RYR3: variants seen among roughly 807,000 people sequenced by gnomAD.
RYR3 encodes the protein brain ryanodine receptor-calcium release channel.
In RYR3, 207 loss-of-function variants were observed where a neutral mutation model predicts 584.3. The observed-to-expected ratio is 0.35, with a 90% CI of 0.32 to 0.40. The LOEUF is 0.40. Among genes scored for constraint, RYR3 ranks in the 10% least tolerant of loss-of-function variants. The probability of loss-of-function intolerance (pLI) is 1.00; values close to 1 mark genes in which losing one functional copy is unlikely to be tolerated. For synonymous variants in RYR3, 2,416 were observed against 2,248.5 expected, an observed-to-expected ratio of 1.07 and a Z score of -2.11; for missense variants, 5,616 against 6,089.2, an observed-to-expected ratio of 0.92 and a Z score of 2.59.
intron 1 of RYR3, among the ~76,000 whole-genome samples, chr15:33,441,140 G>A (rs2046197401): frequency 6.6e-6 from 1 of 152,170 alleles, no homozygotes; most frequent in African/African-American, 2.4e-5. Flanking sequence ...ATCATTCTAG[G>A]CAGGCTGAAA....
chr15:33,570,001 T>C (rs4780127), intron 12 of RYR3, among the ~76,000 whole-genome samples: 99,653 of 151,898 alleles, frequency 0.66, 33,670 homozygotes, highest in Middle Eastern at 0.76. Flanking sequence ...ATATTTATGA[T>C]TTGCAAATAT....
At chr15:33,521,171 C>A (rs1224158745) in intron 3 of RYR3, among the ~76,000 whole-genome samples, 1 of 151,990 alleles carries the variant, frequency 6.6e-6, no homozygotes, top group Non-Finnish European at 1.5e-5. Flanking sequence ...CAGTCTCCAA[C>A]CCATCTGAGC....
rs2078613462 is a variant in RYR3, at chr15:33,844,845, T to G, written c.13297-17T>G. 1 of 1,609,432 alleles carries G rather than the reference T, an allele frequency of 6.2e-7. No homozygotes were observed. On this transcript the variant is annotated splice_polypyrimidine_tract_variant and intron_variant, in intron 92 of 103. Transcript: ENST00000634891. The stretch of plus-strand genomic sequence containing the variant: ...TTCTTTTTGATGTTTAATAAGCGAG[T>G]GTGTATTTTGAGCCAGGTCACTGAA...
At chr15:33,731,362 C>A (rs911886020) in intron 47 of RYR3, 112 bp from the exon 48 acceptor site, 3 of 696,800 alleles carry the variant, frequency 4.3e-6, no homozygotes, top group Non-Finnish European at 5.1e-6. Flanking sequence ...CCTTGCTATG[C>A]AACGTGGACA....
At chr15:33,608,031 C>A (rs2059992790) in intron 18 of RYR3, among the ~76,000 whole-genome samples, 2 of 152,298 alleles carry the variant, frequency 1.3e-5, no homozygotes, top group Middle Eastern at 6.8e-3. Context: ...CAGTCTGGTT[C>A]CAGAAACCCC....
intron 43 of RYR3, among the ~76,000 whole-genome samples, chr15:33,710,812 C>G (rs147833019): frequency 6.9e-4 from 105 of 152,344 alleles, no homozygotes; most frequent in Non-Finnish European, 1.2e-3. Context: ...CAAGTTTTAG[C>G]TGGGCCCATT....
chr15:33,500,636 T>C (rs2051893448), intron 2 of RYR3, among the ~76,000 whole-genome samples: 1 of 152,158 alleles, frequency 6.6e-6, no homozygotes, highest in Non-Finnish European at 1.5e-5. Flanking sequence ...AACAGAGCCC[T>C]TCTCTCCATG....
rs575120914 is a variant in RYR3 at position 33,634,641 on chromosome 15, G to A, written c.3083G>A (p.Arg1028His). The A allele has an allele frequency of 8.0e-5, 129 of 1,613,820 alleles. No individual in the cohort carries two copies. Among genetic ancestry groups the A allele is most frequent in the South Asian group, 1.3e-4 (12 of 91,068 alleles). Residue 1028 changes from arginine (R) to histidine (H), a missense_variant, in exon 25 of 104, where the codon CGT becomes CAT. By Grantham distance (29) the Arg-to-His change is conservative (BLOSUM62 0). Transcript: ENST00000634891. ...GTGCCATATGCATTACTGGATGAGC[G>A]TACCAAGAAGTCAAACAGGGACAGC... ...RLVPYALLDE[R>H]TKKSNRDSLR...
chr15:33,314,681 G>A (rs1367566028), intron 1 of RYR3, among the ~76,000 whole-genome samples: 6 of 152,268 alleles, frequency 3.9e-5, no homozygotes, highest in African/African-American at 1.4e-4. Flanking sequence ...TTGGGAGGCC[G>A]AGGCGGGTGG....
intron 38 of RYR3, among the ~76,000 whole-genome samples, chr15:33,670,950 GA>G (rs1435248815): frequency 2.0e-5 from 3 of 152,060 alleles, no homozygotes; most frequent in Non-Finnish European, 4.4e-5. Flanking sequence ...TTGCCCCAGA[GA>G]GAAAATAAAA....
At chr15:33,416,103 T>C (rs1232256517) in intron 1 of RYR3, among the ~76,000 whole-genome samples, 1 of 152,200 alleles carries the variant, frequency 6.6e-6, no homozygotes, top group East Asian at 1.9e-4. Context: ...TAATCCACCA[T>C]TGATGGGCGC....
At chr15:33,430,276 C>T (rs937468968) in intron 1 of RYR3, among the ~76,000 whole-genome samples, 3 of 152,134 alleles carry the variant, frequency 2.0e-5, no homozygotes, top group African/African-American at 7.2e-5. Context: ...CTCCCTGATG[C>T]GTTACAGATA....
intron 2 of RYR3, among the ~76,000 whole-genome samples, chr15:33,474,237 G>A (rs947611018): frequency 1.3e-5 from 2 of 152,218 alleles, no homozygotes; most frequent in Admixed American, 1.3e-4. Flanking sequence ...TGGATGCATG[G>A]ATGGATGGTG....
intron 1 of RYR3, among the ~76,000 whole-genome samples, chr15:33,366,737 G>A (rs1975552776): frequency 2.0e-5 from 3 of 152,192 alleles, no homozygotes; most frequent in Admixed American, 1.3e-4. Flanking sequence ...TGGGAGCATG[G>A]AGCCTGGAGA....
intron 20 of RYR3, among the ~76,000 whole-genome samples, chr15:33,627,893 G>C (rs563465677): frequency 1.6e-4 from 25 of 152,230 alleles, no homozygotes; most frequent in African/African-American, 6.0e-4. Context: ...AAATGAACAT[G>C]GTAGGTTTCA....
Position 33,403,640 on chromosome 15 carries a change from TTAATC to T in RYR3, c.52-69775_52-69771del, listed in dbSNP as rs576500792. 6.8e-4 allele frequency among the ~76,000 whole-genome samples: 104 copies of T among 152,350 alleles called. 1 individual carries two copies. Among genetic ancestry groups the T allele is most frequent in the African/African-American group, 2.5e-3 (102 of 41,584 alleles). On this transcript the variant is annotated intron_variant, in intron 1 of 103. Transcript: ENST00000634891. Reference sequence around the variant, plus strand: ...CTTTTCAGTAAACATGTATGATTCATTAATCTAAATTAATGTAATTTTAGAAAACA... The same window carrying T: ...CTTTTCAGTAAACATGTATGATTCATTAAATTAATGTAATTTTAGAAAACA...
chr15:33,784,116 A>G (rs948170906), intron 65 of RYR3, among the ~76,000 whole-genome samples: 1 of 152,230 alleles, frequency 6.6e-6, no homozygotes, highest in African/African-American at 2.4e-5. Context: ...GACTGCTGGG[A>G]TCCATTGCTT....
intron 60 of RYR3, among the ~76,000 whole-genome samples, chr15:33,763,313 C>T (rs1429345575): frequency 6.6e-6 from 1 of 152,098 alleles, no homozygotes; most frequent in Non-Finnish European, 1.5e-5. Context: ...AAAGAAACTA[C>T]CATCAGAGTG....
chr15:33,757,075 G>A (rs1302150017), intron 59 of RYR3, among the ~76,000 whole-genome samples: 1 of 152,166 alleles, frequency 6.6e-6, no homozygotes, highest in Non-Finnish European at 1.5e-5. Context: ...CTGCTCAGAG[G>A]ACTAAAGGCA....
Sources: allele counts gnomAD v4.1 joint callset (sites outside exome capture counted in the v4.1 genomes callset), GRCh38; gene constraint gnomAD v4.1.1; transcripts MANE v1.5; gene names NCBI Gene and HGNC (gene_info 2026-07-23, HGNC 2026-07-21).